Variants in NCOA2 observed in about 807,000 individuals in gnomAD.
The protein encoded by NCOA2 is nuclear receptor coactivator 2, also known as class E basic helix-loop-helix protein 75.
Under a neutral mutation model 145.1 loss-of-function variants are expected in NCOA2, and 21 were observed. The observed-to-expected ratio is 0.14, with a 90% confidence interval of 0.10 to 0.21. The LOEUF (loss-of-function observed/expected upper bound fraction) is 0.21. NCOA2 is among the 10% of genes least tolerant of loss of function. The pLI is 1.00. For missense variants in NCOA2, 1,472 were observed against 1,837.6 expected (o/e 0.80, Z 3.64); for synonymous variants, 619 against 637.5 (o/e 0.97, Z 0.44).
At chr8:70,192,065 A>G (rs1263086263) in intron 4 of NCOA2, among the ~76,000 whole-genome samples, 2 of 152,156 alleles carry the variant, frequency 1.3e-5, no homozygotes, top group Non-Finnish European at 2.9e-5. Context: ...AAAAATAAAA[A>G]CAAAAAATAA....
chr8:70,147,129 T>TGC (rs1204637930), intron 12 of NCOA2, among the ~76,000 whole-genome samples: 5 of 148,776 alleles, frequency 3.4e-5, no homozygotes, highest in African/African-American at 1.3e-4. Flanking sequence ...CGCGCGCGCG[T>TGC]GTGTGTGTGT....
chr8:70,345,373 G>A (rs1563787972), intron 1 of NCOA2, among the ~76,000 whole-genome samples: 1 of 152,118 alleles, frequency 6.6e-6, no homozygotes, highest in Non-Finnish European at 1.5e-5. Flanking sequence ...TTTTCCCACA[G>A]GATTAACAGC....
chr8:70,439,303 G>A, the NCOA2 span, among the ~76,000 whole-genome samples: 1 of 152,288 alleles, frequency 6.6e-6, no homozygotes, highest in East Asian at 1.9e-4. Context: ...TAATGGAGTA[G>A]TGGCCGCATG....
the NCOA2 span, among the ~76,000 whole-genome samples, chr8:70,451,255 T>TATATAA: frequency 4.1e-5 from 5 of 123,068 alleles, no homozygotes; most frequent in East Asian, 2.3e-4. Context: ...TATATATATA[T>TATATAA]AAATTAGCCA....
chr8:70,447,435 G>A, the NCOA2 span, among the ~76,000 whole-genome samples: 1 of 152,134 alleles, frequency 6.6e-6, no homozygotes, highest in Non-Finnish European at 1.5e-5. Context: ...GAAAGCAGTA[G>A]GGATCGTGTC....
At chr8:70,212,428 A>G (rs1229220859) in intron 4 of NCOA2, among the ~76,000 whole-genome samples, 14 of 152,192 alleles carry the variant, frequency 9.2e-5, no homozygotes, top group Admixed American at 9.2e-4. Context: ...GCACTGGGAG[A>G]AGAAACCCAC....
intron 1 of NCOA2, among the ~76,000 whole-genome samples, chr8:70,392,997 G>T (rs1813341665): frequency 6.6e-6 from 1 of 152,190 alleles, no homozygotes; most frequent in Non-Finnish European, 1.5e-5. Flanking sequence ...GAAATAGGAA[G>T]GAGATGGGAA....
intron 1 of NCOA2, among the ~76,000 whole-genome samples, chr8:70,378,131 G>A (rs1337807536): frequency 6.6e-6 from 1 of 152,084 alleles, no homozygotes; most frequent in Non-Finnish European, 1.5e-5. Context: ...CGCTTACACA[G>A]CATATAAACC....
intron 1 of NCOA2, among the ~76,000 whole-genome samples, chr8:70,310,346 CAAAA>C (rs34849703): frequency 2.8e-5 from 2 of 72,442 alleles, no homozygotes; most frequent in Non-Finnish European, 2.9e-5. Flanking sequence ...TCTGTCTTCC[CAAAA>C]AAAAAAAAAA....
intron 11 of NCOA2, among the ~76,000 whole-genome samples, chr8:70,149,084 T>C (rs1292926018): frequency 1.3e-5 from 2 of 152,044 alleles, no homozygotes; most frequent in African/African-American, 2.4e-5. Flanking sequence ...GTAGTCCTTT[T>C]TTTCTGCTTG....
the NCOA2 span, among the ~76,000 whole-genome samples, chr8:70,435,143 C>T: frequency 6.6e-6 from 1 of 152,008 alleles, no homozygotes. Context: ...AATACACACT[C>T]GGCCGGGCGC....
intron 2 of NCOA2, among the ~76,000 whole-genome samples, chr8:70,278,313 A>T (rs1055561233): frequency 3.3e-5 from 5 of 152,200 alleles, no homozygotes; most frequent in Non-Finnish European, 7.3e-5. Flanking sequence ...TCATCAGCTG[A>T]TGGATGTTTG....
intron 17 of NCOA2, 88 bp downstream of exon 17, chr8:70,128,614 T>C: frequency 1.3e-6 from 2 of 1,590,288 alleles, no homozygotes; most frequent in South Asian, 1.1e-5. Flanking sequence ...TATCTGCACA[T>C]TGTTGGACAG....
intron 19 of NCOA2, 67 bp from the exon 20 acceptor site, chr8:70,124,932 G>C (rs1245584299): frequency 2.1e-6 from 3 of 1,405,532 alleles, no homozygotes; most frequent in South Asian, 3.0e-5. Flanking sequence ...GACTGGTGGG[G>C]GGGAAAGAAC....
At chr8:70,428,886 A>G in the NCOA2 span, among the ~76,000 whole-genome samples, 1 of 152,102 alleles carries the variant, frequency 6.6e-6, no homozygotes, top group Non-Finnish European at 1.5e-5. Context: ...AAAGTTTAGA[A>G]CAAAAGCTAT....
Position 70,216,735 on chromosome 8 carries a change from A to C in NCOA2, c.11T>G (p.Met4Arg), listed in dbSNP as rs1819656507. Residue 4 changes from methionine to arginine, a missense_variant, in exon 3 of 23, where the codon ATG (methionine) becomes AGG (arginine). Met to Arg is a moderately conservative substitution (Grantham distance 91, BLOSUM62 -1). This residue lies in a region of NCOA2 where 284 missense variants were observed against 467.8 expected (regional missense o/e 0.61). Transcript: ENST00000452400. ...GGAGGGGTCAGAGGTATTTTCTCCC[A>C]TCCCACTCATCTTGAACACATATCA... MSG[M>R]GENTSDPSRA... 2.5e-6 allele frequency: 4 copies of C among 1,612,604 alleles called. No individual in the cohort carries two copies. The highest frequency in any genetic ancestry group is 3.4e-6 in the Non-Finnish European group (4 of 1,178,634).
rs1037375184 is a variant in NCOA2 at position 70,113,090 on chromosome 8, C to T, written c.*542G>A. ...CACGCACTGGGTGTGTCTGTAAATA[C>T]AGCGCTGTCCACGGTGTCTGTCCTG... On this transcript the variant is annotated 3_prime_UTR_variant, in exon 23 of 23. Coordinates refer to ENST00000452400, the MANE Select transcript of NCOA2 (RefSeq NM_006540.4). The T allele has an allele frequency of 4.5e-5, 9 of 200,106 alleles. No homozygotes were observed. In the Admixed American group the frequency reaches 4.7e-4, roughly 11 times the overall value. 12.4% of individuals were successfully genotyped at this position (200,106 alleles called of 1,614,324 possible). A position where few individuals can be genotyped will look rare whatever the true frequency, so the allele number is the denominator to read the frequency against.
intron 2 of NCOA2, among the ~76,000 whole-genome samples, chr8:70,258,180 G>A (rs1234617990): frequency 2.0e-5 from 3 of 152,324 alleles, no homozygotes; most frequent in Middle Eastern, 3.4e-3. Context: ...GCCTCCCAAA[G>A]TGCTGGGATT....
rs1334127102 is a variant in NCOA2 at position 70,251,599 on chromosome 8, C to A, written c.-19-34835G>T. Among the ~76,000 whole-genome samples, 4 of 152,306 alleles carry A rather than the reference C, an allele frequency of 2.6e-5. No individual in the cohort carries two copies. The South Asian group carries it at 6.2e-4, about 24-fold the overall frequency. ...CTGAAATTCTTAAGTCATCTGTTAA[C>A]CAGAGTTAATGAGAACCCTAATGGT... On this transcript the variant is annotated intron_variant, in intron 2 of 22. Coordinates refer to ENST00000452400, the MANE Select transcript of NCOA2 (RefSeq NM_006540.4).
Sources: allele counts gnomAD v4.1 joint callset (sites outside exome capture counted in the v4.1 genomes callset), GRCh38; gene constraint gnomAD v4.1.1; regional missense constraint gnomAD v4.1.1; transcripts MANE v1.5; gene names NCBI Gene and HGNC (gene_info 2026-07-23, HGNC 2026-07-21).